The following ORC4 variants were observed in gnomAD, a reference collection of about 807,000 sequenced individuals.
ORC4 encodes the protein origin recognition complex, subunit 4 homolog.
ORC4 carries 55 observed loss-of-function variants against 63.9 expected under a neutral mutation model. The ratio of observed to expected loss-of-function variants is 0.86; its 90% confidence interval spans 0.69 to 1.08. The LOEUF (loss-of-function observed/expected upper bound fraction) is 1.08, where lower values mean the gene tolerates loss of function less well. Ranked by LOEUF, ORC4 falls within the 50% of genes least tolerant of loss-of-function variation. The pLI is 0.00. For missense variants in ORC4, 511 were observed against 504.4 expected (o/e 1.01, Z -0.13); for synonymous variants, 150 against 168.5 (o/e 0.89, Z 0.85).
At chr2:148,006,033 G>C (rs1464971450) in intron 1 of ORC4, among the ~76,000 whole-genome samples, 1 of 152,134 alleles carries the variant, frequency 6.6e-6, no homozygotes, top group East Asian at 1.9e-4. Context: ...AATCAGGTGA[G>C]TAATCACGGC....
intron 7 of ORC4, among the ~76,000 whole-genome samples, chr2:147,953,021 C>T (rs1689047458): frequency 6.7e-6 from 1 of 149,392 alleles, no homozygotes; most frequent in Non-Finnish European, 1.5e-5. Context: ...AGTGAAACTC[C>T]ATCTCAAAAA....
intron 4 of ORC4, among the ~76,000 whole-genome samples, chr2:147,966,991 A>G (rs1689930754): frequency 6.6e-6 from 1 of 152,178 alleles, no homozygotes; most frequent in Admixed American, 6.5e-5. Context: ...ATCATTCACC[A>G]TGATCAAGTG....
intron 4 of ORC4, among the ~76,000 whole-genome samples, chr2:147,959,454 T>A (rs906722742): frequency 6.6e-6 from 1 of 151,968 alleles, no homozygotes; most frequent in Non-Finnish European, 1.5e-5. Context: ...AATATTAAAA[T>A]ATAGGTACTA....
intron 8 of ORC4, among the ~76,000 whole-genome samples, chr2:147,950,726 T>C (rs1019380701): frequency 6.0e-5 from 9 of 149,974 alleles, no homozygotes; most frequent in Non-Finnish European, 1.0e-4. Flanking sequence ...GATTATGCCA[T>C]TGTACTCCAG....
In ORC4 at chr2:147,943,531, A is replaced by T; in HGVS notation, c.763-9T>A. The T allele has an allele frequency of 1.1e-4, 10 of 93,144 alleles. No homozygotes were observed. Among genetic ancestry groups the T allele is most frequent in the Non-Finnish European group, 1.3e-4 (9 of 67,790 alleles). The allele number at this position is 93,144 out of a possible 1,614,324, so 5.8% of individuals were successfully genotyped here. A position where few individuals can be genotyped will look rare whatever the true frequency, so the allele number is the denominator to read the frequency against. On this transcript the variant is annotated splice_polypyrimidine_tract_variant and intron_variant, in intron 9 of 13. Coordinates refer to ENST00000392857, the MANE Select transcript of ORC4 (RefSeq NM_181741.4). ...CTATCTTCTGAGAGATACTAAAAGGAAAAAAAAAAAAAAAGCCAAAATTGA... is the reference window on the plus strand; with the variant it reads ...CTATCTTCTGAGAGATACTAAAAGGTAAAAAAAAAAAAAAGCCAAAATTGA...
intron 4 of ORC4, 140 bp downstream of exon 4, chr2:147,972,599 A>C (rs1690280539): frequency 2.1e-6 from 1 of 474,958 alleles, no homozygotes; most frequent in Non-Finnish European, 3.6e-6. Context: ...AAAGAAAAAA[A>C]CAAAAAAGTA....
At chr2:148,008,267 G>A (rs140580824) in intron 1 of ORC4, among the ~76,000 whole-genome samples, 53 of 152,246 alleles carry the variant, frequency 3.5e-4, no homozygotes, top group South Asian at 1.0e-3. Context: ...TACTCTAACC[G>A]CTCATATCTT....
At chr2:147,973,912 G>C (rs1690372466) in intron 2 of ORC4, among the ~76,000 whole-genome samples, 1 of 152,176 alleles carries the variant, frequency 6.6e-6, no homozygotes, top group Admixed American at 6.5e-5. Context: ...AATTATGTCA[G>C]ATAATCTACC....
chr2:147,934,941 T>C lies in ORC4; in HGVS notation c.*569A>G, dbSNP rs190945657. ...GGGATTCTGATGTGGATGGTATGAGTACCACATTTTGAGATGTCTAGAAGA... is the reference window on the plus strand; with the variant it reads ...GGGATTCTGATGTGGATGGTATGAGCACCACATTTTGAGATGTCTAGAAGA... On this transcript the variant is annotated 3_prime_UTR_variant, in exon 14 of 14. Transcript: ENST00000392857. The C allele has an allele frequency of 6.5e-6, 1 of 154,252 alleles. No homozygotes were observed. The highest frequency in any genetic ancestry group is 1.4e-5 in the Non-Finnish European group (1 of 69,352). The allele number at this position is 154,252 out of a possible 1,614,324, so 9.6% of individuals were successfully genotyped here. A position where few individuals can be genotyped will look rare whatever the true frequency, so the allele number is the denominator to read the frequency against.
chr2:148,001,592 A>G (rs991345081), intron 1 of ORC4, among the ~76,000 whole-genome samples: 9 of 152,154 alleles, frequency 5.9e-5, no homozygotes, highest in Admixed American at 5.9e-4. Flanking sequence ...CCTGCCTTAC[A>G]AGAGCTCCTG....
At chr2:147,974,965 A>G (rs1690455679) in intron 2 of ORC4, among the ~76,000 whole-genome samples, 1 of 152,178 alleles carries the variant, frequency 6.6e-6, no homozygotes, top group South Asian at 2.1e-4. Context: ...ATACACATGT[A>G]TTGATATTAA....
At chr2:147,946,747 A>AT (rs978894555) in intron 9 of ORC4, among the ~76,000 whole-genome samples, 1 of 152,072 alleles carries the variant, frequency 6.6e-6, no homozygotes, top group Non-Finnish European at 1.5e-5. Context: ...ATTATTAATC[A>AT]TAACAATGGG....
chr2:147,956,387 T>C (rs1689253560), intron 6 of ORC4, among the ~76,000 whole-genome samples: 1 of 152,090 alleles, frequency 6.6e-6, no homozygotes, highest in African/African-American at 2.4e-5. Flanking sequence ...GTAGCTTGTC[T>C]TTCAGGCTTT....
chr2:148,013,368 A>C (rs10187392), intron 1 of ORC4, among the ~76,000 whole-genome samples: 1 of 152,130 alleles, frequency 6.6e-6, no homozygotes, highest in Non-Finnish European at 1.5e-5. Flanking sequence ...GGAAGCTTCA[A>C]AAAAATTGAA....
rs1042349827 is a variant in ORC4 at position 147,955,497 on chromosome 2, T to C, written c.388-102A>G. On this transcript the variant is annotated intron_variant, in intron 6 of 13. Coordinates refer to ENST00000392857, the MANE Select transcript of ORC4 (RefSeq NM_181741.4). ...TTTTATATAAACACTGTATATCTTC[T>C]AGTTATTAGAGTCATTGCCCAGACT... The C allele has an allele frequency of 4.7e-5, 38 of 801,244 alleles. 1 individual carries two copies. The highest frequency in any genetic ancestry group is 7.6e-5 in the Non-Finnish European group (36 of 472,808). 49.6% of individuals were successfully genotyped at this position (801,244 alleles called of 1,614,324 possible).
intron 9 of ORC4, among the ~76,000 whole-genome samples, chr2:147,946,601 C>T (rs899272301): frequency 6.6e-6 from 1 of 151,894 alleles, no homozygotes; most frequent in Non-Finnish European, 1.5e-5. Flanking sequence ...TTGAAATACC[C>T]GAGTCTCAGG....
intron 4 of ORC4, among the ~76,000 whole-genome samples, chr2:147,962,248 C>T (rs1689640703): frequency 6.6e-6 from 1 of 152,184 alleles, no homozygotes; most frequent in Non-Finnish European, 1.5e-5. Context: ...GTCCTTACCA[C>T]AGGAGAATCC....
At chr2:147,971,610 A>C (rs1372494946) in intron 4 of ORC4, among the ~76,000 whole-genome samples, 1 of 151,998 alleles carries the variant, frequency 6.6e-6, no homozygotes, top group Non-Finnish European at 1.5e-5. Flanking sequence ...AAATTTAAAA[A>C]TTTAAAAATT....
chr2:147,948,670 CT>C (rs371088010), intron 8 of ORC4, among the ~76,000 whole-genome samples: 1,901 of 140,438 alleles, frequency 0.014, 34 homozygotes, highest in African/African-American at 0.038. Flanking sequence ...TATCTTCCGG[CT>C]TTTTTTTTTT....
Sources: gnomAD v4.1 joint callset for allele counts (sites outside exome capture counted in the v4.1 genomes callset) on GRCh38, gnomAD v4.1.1 for gene constraint, MANE v1.5 for transcripts, NCBI Gene and HGNC (gene_info 2026-07-23, HGNC 2026-07-21) for gene names.